The following LILRB2 variants were observed in gnomAD, a reference collection of about 807,000 sequenced individuals.
LILRB2 encodes the protein leukocyte immunoglobulin-like receptor subfamily B member 2.
Under a neutral mutation model 72.7 loss-of-function variants are expected in LILRB2, and 47 were observed. The observed-to-expected ratio is 0.65, with a 90% CI of 0.51 to 0.82. The LOEUF is 0.82. Ranked by LOEUF, LILRB2 falls within the 40% of genes least tolerant of loss-of-function variation. The probability of loss-of-function intolerance (pLI) is 0.00; values close to 1 mark genes in which losing one functional copy is unlikely to be tolerated. For synonymous variants in LILRB2, 279 were observed against 313.7 expected, an observed-to-expected ratio of 0.89 and a Z score of 1.17; for missense variants, 767 against 764.8, an observed-to-expected ratio of 1.00 and a Z score of -0.03.
Position 54,278,419 on chromosome 19 carries a change from G to A in LILRB2, c.1099C>T (p.Arg367Cys), listed in dbSNP as rs1417019722. 3.7e-6 allele frequency: 6 copies of A among 1,614,184 alleles called. No homozygotes were observed. In the East Asian group the frequency reaches 6.7e-5, roughly 18 times the overall value. The change falls in exon 7 of 14, where the codon CGT (arginine) becomes TGT (cysteine). Residue 367 changes from arginine to cysteine, a missense_variant. Transcript: ENST00000314446. ...TKAGAADAPL[R>C]LRSIHEYPKY... ...GGATATTCGTGTATTGATCTTAGACGGAGTGGGGCATCAGCTGCTCCCGCC... is the reference window on the plus strand; with the variant it reads ...GGATATTCGTGTATTGATCTTAGACAGAGTGGGGCATCAGCTGCTCCCGCC...
intron 7 of LILRB2, 119 bp downstream of exon 7, chr19:54,278,141 T>C (rs2147772208): frequency 7.2e-7 from 1 of 1,386,306 alleles, no homozygotes; most frequent in Non-Finnish European, 9.8e-7. Flanking sequence ...AGGGTGAGTC[T>C]CCCACTGGCT....
chr19:54,277,569 A>C lies in LILRB2; in HGVS notation c.1338T>G (p.Thr446=), dbSNP rs757593608. The change falls in exon 9 of 14, where the codon ACT becomes ACG. Residue 446 remains threonine, a synonymous_variant. Transcript: ENST00000314446. Reference sequence around the variant, plus strand: ...ACTCACCACTTTGGGGATCCGACCCAGTGGGGGTGAGGGGCTGGTCCTCAG... The same window carrying C: ...ACTCACCACTTTGGGGATCCGACCCCGTGGGGGTGAGGGGCTGGTCCTCAG... The part of the protein sequence containing the change: ...PGPEDQPLTP[T]GSDPQSGLGR... The C allele has an allele frequency of 2.5e-6, 4 of 1,572,210 alleles. No homozygotes were observed. Among genetic ancestry groups the C allele is most frequent in the South Asian group, 2.3e-5 (2 of 85,396 alleles).
chr19:54,275,145 T>A (rs2080163674), intron 13 of LILRB2: 2 of 1,521,346 alleles, frequency 1.3e-6, no homozygotes, highest in African/African-American at 2.7e-5. Flanking sequence ...GTTCCCGGGG[T>A]GATCCGATTA....
rs1316277584 is a variant in LILRB2, at chr19:54,279,488, T to C, written c.515A>G (p.His172Arg). ...GATGGCGCGGGACGACCCACGGGCATGGGGCTGGGAGTTCAGGCATTGTGG... is the reference window on the plus strand; with the variant it reads ...GATGGCGCGGGACGACCCACGGGCACGGGGCTGGGAGTTCAGGCATTGTGG... ...EHPQCLNSQP[H>R]ARGSSRAIFS... is the part of the protein sequence containing the mutation. Residue 172 changes from histidine to arginine, a missense_variant, in exon 5 of 14, where the codon CAT becomes CGT. Physicochemically the swap from His to Arg is conservative, Grantham distance 29. Coordinates refer to ENST00000314446, the MANE Select transcript of LILRB2 (RefSeq NM_001080978.4). 6.2e-7 allele frequency: 1 copy of C among 1,613,424 alleles called. No homozygotes were observed. Among genetic ancestry groups the C allele is most frequent in the Non-Finnish European group, 8.5e-7 (1 of 1,179,856 alleles).
chr19:54,278,959 G>T lies in LILRB2; in HGVS notation c.808C>A (p.Arg270=). 1 of 1,614,172 alleles carries T rather than the reference G, an allele frequency of 6.2e-7. No individual in the cohort carries two copies. Among genetic ancestry groups the T allele is most frequent in the African/African-American group, 1.3e-5 (1 of 75,048 alleles). The change falls in exon 6 of 14, where the codon CGG becomes AGG. Residue 270 remains arginine (R), a synonymous_variant. Coordinates refer to ENST00000314446, the MANE Select transcript of LILRB2 (RefSeq NM_001080978.4). ...TGGGAGAGCCCAGCCTGGGGCTGCC[G>T]GCCAGGGAGCTGGCGAAGGTCACGT... The part of the protein sequence containing the change: ...GERDLRQLPG[R]QPQAGLSQAN...
chr19:54,278,756 C>A, intron 6 of LILRB2, 56 bp downstream of exon 6: 9 of 1,599,592 alleles, frequency 5.6e-6, no homozygotes, highest in Non-Finnish European at 7.7e-6. Context: ...ATTGGATTCC[C>A]CCGGCAGGGC....
At position 54,280,232 on chromosome 19, in the gene LILRB2, G is replaced by A. The variant is rs1341465052; in HGVS notation, c.70+32C>T. On this transcript the variant is annotated intron_variant, in intron 3 of 13. Transcript: ENST00000314446. The stretch of plus-strand genomic sequence containing the variant: ...GTGGCCCCTTGTCCCCAGTGAGGAG[G>A]AGGGACCTGGGAGAGCTGGGGACAG... 2.5e-6 allele frequency: 4 copies of A among 1,613,602 alleles called. No individual in the cohort carries two copies. The African/African-American group carries it at 4.0e-5, about 16-fold the overall frequency.
chr19:54,277,889 C>A lies in LILRB2; in HGVS notation c.1309G>T (p.Gly437Cys). ...CGAGCCAGAGGCCTCAGGGACTCAC[C>A]AGGTGTGGAGATGGGACCGGTGGGT... ...PPPTGPISTP[G>C]PEDQPLTPTG... Residue 437 changes from glycine to cysteine, a missense_variant and splice_region_variant, in exon 8 of 14, where the codon GGC (glycine) becomes TGC (cysteine). By Grantham distance (159) the Gly-to-Cys change is radical. This residue lies in a region of LILRB2 where 599 missense variants were observed against 568.2 expected (regional missense o/e 1.05). Coordinates refer to ENST00000314446, the MANE Select transcript of LILRB2 (RefSeq NM_001080978.4). 2 of 1,548,724 alleles carry A rather than the reference C, an allele frequency of 1.3e-6. No individual in the cohort carries two copies. Among genetic ancestry groups the A allele is most frequent in the Non-Finnish European group, 1.7e-6 (2 of 1,144,882 alleles).
In LILRB2 at chr19:54,279,607, A is replaced by AGGGCT; in HGVS notation, c.391_395dup (p.Val133AlafsTer4). The AGGGCT allele has an allele frequency of 1.2e-6, 2 of 1,614,014 alleles. No homozygotes were observed. The highest frequency in any genetic ancestry group is 1.1e-5 in the South Asian group (1 of 91,038). On this transcript the variant is annotated frameshift_variant, in exon 5 of 14. Transcript: ENST00000314446. LOFTEE classifies it high-confidence loss of function. ...TCACCCTTCCTCCTGAGGTCACCAC[A>AGGGCT]GGGCTGGGCTGGGCTGAGAGGGTGG...
At chr19:54,274,919 T>C in intron 13 of LILRB2, 90 bp from the exon 14 acceptor site, 1 of 1,610,788 alleles carries the variant, frequency 6.2e-7, no homozygotes, top group Non-Finnish European at 8.5e-7. Flanking sequence ...TCAGTGTCCA[T>C]CTGTCTGTCC....
At position 54,275,960 on chromosome 19, in the gene LILRB2, C is replaced by T. The variant is rs1225810406; in HGVS notation, c.1638G>A (p.Met546Ile). ...KDTQPEDGVE[M>I]DTRAAASEAP... ...AGGGGCGGGGTCTCACCCGAGTGTC[C>T]ATCTCCACCCCATCTTCAGGCTGTG... Residue 546 changes from methionine (M) to isoleucine (I), a missense_variant, in exon 13 of 14, where the codon ATG becomes ATA. Around this residue, in one of 3 missense-constraint regions of LILRB2, gnomAD observed 162 missense variants for 176.7 expected, o/e 0.92. Transcript: ENST00000314446. 4.3e-6 allele frequency: 7 copies of T among 1,613,988 alleles called. No homozygotes were observed. In the East Asian group the frequency reaches 1.3e-4, roughly 31 times the overall value.
At chr19:54,276,552 T>G in intron 10 of LILRB2, 96 bp from the exon 11 acceptor site, 8 of 1,379,986 alleles carry the variant, frequency 5.8e-6, no homozygotes, top group Non-Finnish European at 7.8e-6. Flanking sequence ...CTAAAAACAC[T>G]CCTGCCTCCA....
rs2080320706 is a variant in LILRB2 at position 54,277,901 on chromosome 19, T to C, written c.1297A>G (p.Ile433Val). 6.5e-7 allele frequency: 1 copy of C among 1,545,898 alleles called. No homozygotes were observed. Among genetic ancestry groups the C allele is most frequent in the Non-Finnish European group, 8.7e-7 (1 of 1,144,228 alleles). Residue 433 changes from isoleucine (I) to valine (V), a missense_variant, in exon 8 of 14, where the codon ATC (isoleucine) becomes GTC (valine). This residue lies in a region of LILRB2 where 599 missense variants were observed against 568.2 expected (regional missense o/e 1.05). Transcript: ENST00000314446. Reference sequence around the variant, plus strand: ...CTCAGGGACTCACCAGGTGTGGAGATGGGACCGGTGGGTGGGGGGCTGGAA... The same window carrying C: ...CTCAGGGACTCACCAGGTGTGGAGACGGGACCGGTGGGTGGGGGGCTGGAA... ...MGSSPPPTGP[I>V]STPGPEDQPL...
rs752300231 is a variant in LILRB2, at chr19:54,277,202, C to T, written c.1358-273G>A. ...TTGTTCCTGCACCAGAGCCGAGCCCCGGAGCTGCAGGGAAAGAGCCTTACC... is the reference window on the plus strand; with the variant it reads ...TTGTTCCTGCACCAGAGCCGAGCCCTGGAGCTGCAGGGAAAGAGCCTTACC... On this transcript the variant is annotated intron_variant, in intron 9 of 13. Transcript: ENST00000314446. 2.2e-5 allele frequency: 34 copies of T among 1,532,276 alleles called. No homozygotes were observed. In the Admixed American group the frequency reaches 2.4e-4, roughly 11 times the overall value. The allele number at this position is 1,532,276 out of a possible 1,614,324, so 94.9% of individuals were successfully genotyped here.
In LILRB2 at chr19:54,278,589, G is replaced by C. The variant is rs775831891; in HGVS notation, c.956-27C>G. ...TGGAGAGAAGAAGGATGGGTGAGGGGCTGCCCCACCTTGCTCTGAGCTGAG... is the reference window on the plus strand; with the variant it reads ...TGGAGAGAAGAAGGATGGGTGAGGGCCTGCCCCACCTTGCTCTGAGCTGAG... On this transcript the variant is annotated intron_variant, in intron 6 of 13. Coordinates refer to ENST00000314446, the MANE Select transcript of LILRB2 (RefSeq NM_001080978.4). The C allele has an allele frequency of 8.7e-6, 14 of 1,611,478 alleles. No individual in the cohort carries two copies. In the South Asian group the frequency reaches 1.3e-4, roughly 15 times the overall value.
At chr19:54,277,108 C>T in intron 9 of LILRB2, 179 bp from the exon 10 acceptor site, 2 of 1,499,846 alleles carry the variant, frequency 1.3e-6, no homozygotes, top group African/African-American at 1.4e-5. Flanking sequence ...AGGGGAATCG[C>T]CTGCCCCGGG....
intron 6 of LILRB2, 76 bp from the exon 7 acceptor site, chr19:54,278,638 C>A: frequency 2.2e-6 from 3 of 1,348,320 alleles, no homozygotes; most frequent in Admixed American, 2.5e-5. Flanking sequence ...TCTCTAGGAG[C>A]CTCTGTCTCT....
chr19:54,279,932 G>T lies in LILRB2; in HGVS notation c.214C>A (p.Arg72=). Residue 72 remains arginine (R), a synonymous_variant, in exon 4 of 14, where the codon CGG becomes AGG. Coordinates refer to ENST00000314446, the MANE Select transcript of LILRB2 (RefSeq NM_001080978.4). ...TTCTTCACAAGCTCTGGTCGTATCCGTGTAATCCAAGATGCTGATTTTTTC... is the reference window on the plus strand; with the variant it reads ...TTCTTCACAAGCTCTGGTCGTATCCTTGTAATCCAAGATGCTGATTTTTTC... ...REKKSASWIT[R]IRPELVKNGQ... 6.2e-7 allele frequency: 1 copy of T among 1,614,122 alleles called. No homozygotes were observed. Among genetic ancestry groups the T allele is most frequent in the Non-Finnish European group, 8.5e-7 (1 of 1,180,006 alleles).
rs1473946564 is a variant in LILRB2, at chr19:54,278,220, G to A, written c.1258+40C>T. 6 of 1,611,442 alleles carry A rather than the reference G, an allele frequency of 3.7e-6. No individual in the cohort carries two copies. The Admixed American group carries it at 8.3e-5, about 22-fold the overall frequency. ...TCTCCTGGGGGGCAGGGCCTGAGCTGAGCCTTTGAGCTCAGAGAGGACAGG... is the reference window on the plus strand; with the variant it reads ...TCTCCTGGGGGGCAGGGCCTGAGCTAAGCCTTTGAGCTCAGAGAGGACAGG... On this transcript the variant is annotated intron_variant, in intron 7 of 13. Coordinates refer to ENST00000314446, the MANE Select transcript of LILRB2 (RefSeq NM_001080978.4).
Sources: gnomAD v4.1 joint callset for allele counts on GRCh38, gnomAD v4.1.1 for gene constraint, gnomAD v4.1.1 regional missense constraint, MANE v1.5 for transcripts, NCBI Gene and HGNC (gene_info 2026-07-23, HGNC 2026-07-21) for gene names.